HCN1: variants seen among roughly 807,000 people sequenced by gnomAD.
HCN1 encodes potassium/sodium hyperpolarization-activated cyclic nucleotide-gated channel 1.
A neutral mutation model predicts 78.9 loss-of-function variants in HCN1; 13 were observed. That is an observed-to-expected ratio of 0.16 (90% CI 0.11 to 0.26). HCN1 has a LOEUF of 0.26. HCN1 is among the 10% of genes least tolerant of loss of function. The pLI is 1.00. For synonymous variants in HCN1, 552 were observed against 455.5 expected, an observed-to-expected ratio of 1.21 and a Z score of -2.70; for missense variants, 810 against 1,154.3, an observed-to-expected ratio of 0.70 and a Z score of 4.32.
At chr5:45,603,574 AG>A (rs1212029695) in intron 2 of HCN1, among the ~76,000 whole-genome samples, 1 of 152,094 alleles carries the variant, frequency 6.6e-6, no homozygotes, top group Non-Finnish European at 1.5e-5. Flanking sequence ...CTCTAAACAT[AG>A]CATTGAATGG....
At chr5:45,669,373 T>C (rs1188876177) in intron 1 of HCN1, among the ~76,000 whole-genome samples, 1 of 151,672 alleles carries the variant, frequency 6.6e-6, no homozygotes, top group Non-Finnish European at 1.5e-5. Flanking sequence ...TGTGAACATT[T>C]TGAGAGTAGA....
intron 2 of HCN1, among the ~76,000 whole-genome samples, chr5:45,637,790 A>T (rs1419350754): frequency 6.6e-6 from 1 of 152,154 alleles, no homozygotes; most frequent in Non-Finnish European, 1.5e-5. Context: ...AAAGAATATG[A>T]GCAAAGAGTT....
At chr5:45,633,718 T>G (rs962432916) in intron 2 of HCN1, among the ~76,000 whole-genome samples, 1 of 151,978 alleles carries the variant, frequency 6.6e-6, no homozygotes, top group African/African-American at 2.4e-5. Context: ...ATTATAAAGA[T>G]ATGAAATTTT....
chr5:45,564,214 G>A (rs1163549202), intron 2 of HCN1, among the ~76,000 whole-genome samples: 1 of 151,022 alleles, frequency 6.6e-6, no homozygotes, highest in Admixed American at 6.6e-5. Context: ...CTCCCACTAA[G>A]TAAAAATAAT....
Position 45,354,190 on chromosome 5 carries a change from A to C in HCN1, c.1231-944T>G, listed in dbSNP as rs980491683. 6.9e-4 allele frequency among the ~76,000 whole-genome samples: 105 copies of C among 151,948 alleles called. 1 individual carries two copies. Among genetic ancestry groups the C allele is most frequent in the African/African-American group, 2.5e-3 (102 of 41,396 alleles). On this transcript the variant is annotated intron_variant, in intron 4 of 7. Coordinates refer to ENST00000303230, the MANE Select transcript of HCN1 (RefSeq NM_021072.4). ...CTCATCCAAGACCTATGGAATAAGA[A>C]TTTGCATCTTAAAAACGTCTCCAGA...
intron 2 of HCN1, among the ~76,000 whole-genome samples, chr5:45,555,258 T>A (rs527247220): frequency 4.3e-4 from 65 of 151,366 alleles, no homozygotes; most frequent in Admixed American, 3.5e-3. Context: ...GTGAACAATA[T>A]GAAAAAGAAA....
chr5:45,639,635 G>T (rs1176217374), intron 2 of HCN1, among the ~76,000 whole-genome samples: 1 of 152,056 alleles, frequency 6.6e-6, no homozygotes, highest in East Asian at 1.9e-4. Flanking sequence ...CTTCATAGAA[G>T]GCCTTATCAT....
intron 1 of HCN1, among the ~76,000 whole-genome samples, chr5:45,685,276 G>A (rs1337601872): frequency 6.6e-6 from 1 of 152,130 alleles, no homozygotes; most frequent in Non-Finnish European, 1.5e-5. Flanking sequence ...CTGATGAAAA[G>A]AAAGATGAAC....
chr5:45,512,302 A>G (rs1202756638), intron 2 of HCN1, among the ~76,000 whole-genome samples: 1 of 152,118 alleles, frequency 6.6e-6, no homozygotes, highest in Non-Finnish European at 1.5e-5. Flanking sequence ...TGTCTTCTGG[A>G]ATATGGTATG....
Position 45,612,899 on chromosome 5 carries a change from C to T in HCN1, c.849+32286G>A, listed in dbSNP as rs575349807. Reference sequence around the variant, plus strand: ...AGAGAAACAAAGGGAAACTAAATATCGGAAGATGCATATTTATATTTTAAG... The same window carrying T: ...AGAGAAACAAAGGGAAACTAAATATTGGAAGATGCATATTTATATTTTAAG... On this transcript the variant is annotated intron_variant, in intron 2 of 7. Transcript: ENST00000303230. 4.6e-5 allele frequency among the ~76,000 whole-genome samples: 7 copies of T among 152,214 alleles called. No individual in the cohort carries two copies. The East Asian group carries it at 5.8e-4, about 13-fold the overall frequency.
chr5:45,645,652 C>G, intron 1 of HCN1, 44 bp from the exon 2 acceptor site: 1 of 1,271,916 alleles, frequency 7.9e-7, no homozygotes. Flanking sequence ...TAGAAAATAA[C>G]CAGCCTATCC....
chr5:45,515,760 T>C (rs1236786188), intron 2 of HCN1, among the ~76,000 whole-genome samples: 1 of 151,962 alleles, frequency 6.6e-6, no homozygotes, highest in African/African-American at 2.4e-5. Context: ...TTATGAAACA[T>C]CATATCTTTT....
chr5:45,276,347 T>C (rs1745058302), intron 6 of HCN1, among the ~76,000 whole-genome samples: 1 of 152,094 alleles, frequency 6.6e-6, no homozygotes, highest in Non-Finnish European at 1.5e-5. Flanking sequence ...TTAATATGTA[T>C]GGGAATCACC....
chr5:45,340,548 C>A (rs1490001456), intron 5 of HCN1, among the ~76,000 whole-genome samples: 1 of 152,118 alleles, frequency 6.6e-6, no homozygotes, highest in Non-Finnish European at 1.5e-5. Flanking sequence ...TACTTTGAAC[C>A]TCTCCAGGCC....
intron 4 of HCN1, among the ~76,000 whole-genome samples, chr5:45,375,060 A>G (rs1747574740): frequency 8.0e-6 from 1 of 125,660 alleles, no homozygotes; most frequent in South Asian, 2.2e-4. Flanking sequence ...AATTTTATAT[A>G]TATATATAAT....
intron 2 of HCN1, among the ~76,000 whole-genome samples, chr5:45,579,039 T>C (rs952481883): frequency 1.3e-5 from 2 of 152,090 alleles, no homozygotes; most frequent in Non-Finnish European, 2.9e-5. Flanking sequence ...ATATCAAAAG[T>C]AATGTTTTTA....
intron 5 of HCN1, among the ~76,000 whole-genome samples, chr5:45,344,639 C>A (rs1307375863): frequency 2.0e-5 from 3 of 152,166 alleles, no homozygotes; most frequent in Non-Finnish European, 2.9e-5. Context: ...ATAAGCAGGG[C>A]AGTCAAATCT....
At chr5:45,486,054 G>A (rs1741756953) in intron 2 of HCN1, among the ~76,000 whole-genome samples, 1 of 152,088 alleles carries the variant, frequency 6.6e-6, no homozygotes, top group Non-Finnish European at 1.5e-5. Context: ...AATTGCTCAG[G>A]ACCTCACATA....
chr5:45,689,435 T>TA (rs1739866785), intron 1 of HCN1, among the ~76,000 whole-genome samples: 1 of 152,162 alleles, frequency 6.6e-6, no homozygotes, highest in Non-Finnish European at 1.5e-5. Context: ...AGGACACATA[T>TA]AAAAATAATT....
Sources: allele counts gnomAD v4.1 joint callset (sites outside exome capture counted in the v4.1 genomes callset), GRCh38; gene constraint gnomAD v4.1.1; transcripts MANE v1.5; gene names NCBI Gene and HGNC (gene_info 2026-07-23, HGNC 2026-07-21).